The following CCSER1 variants were observed in gnomAD, a reference collection of about 807,000 sequenced individuals.
CCSER1 encodes the protein serine-rich coiled-coil domain-containing protein 1.
A neutral mutation model predicts 82.0 loss-of-function variants in CCSER1; 41 were observed. The ratio of observed to expected loss-of-function variants is 0.50; its 90% CI spans 0.39 to 0.65. CCSER1 has a LOEUF of 0.65. Among genes scored for constraint, CCSER1 ranks in the 30% least tolerant of loss-of-function variants. The pLI, the probability that CCSER1 is intolerant of heterozygous loss-of-function variation, is 0.00. For missense variants in CCSER1, 1,119 were observed against 1,064.2 expected (o/e 1.05, Z -0.72); for synonymous variants, 414 against 383.9 (o/e 1.08, Z -0.92).
At chr4:91,503,799 G>T (rs893471757) in intron 10 of CCSER1, among the ~76,000 whole-genome samples, 2 of 152,076 alleles carry the variant, frequency 1.3e-5, no homozygotes, top group South Asian at 4.1e-4. Flanking sequence ...TCACAGAAAA[G>T]GTTGCTATAA....
At chr4:90,636,131 C>G (rs1383485932) in intron 6 of CCSER1, among the ~76,000 whole-genome samples, 2 of 151,762 alleles carry the variant, frequency 1.3e-5, no homozygotes, top group Non-Finnish European at 2.9e-5. Flanking sequence ...CACTACAAAT[C>G]CTGCAGACAT....
intron 9 of CCSER1, among the ~76,000 whole-genome samples, chr4:90,955,648 T>G (rs968810498): frequency 6.6e-6 from 1 of 152,170 alleles, no homozygotes; most frequent in East Asian, 1.9e-4. Flanking sequence ...TCTGATTTAC[T>G]ATTTATATTA....
intron 6 of CCSER1, among the ~76,000 whole-genome samples, chr4:90,654,098 C>G (rs1179532304): frequency 6.6e-6 from 1 of 152,102 alleles, no homozygotes; most frequent in South Asian, 2.1e-4. Flanking sequence ...GATCCAGTCA[C>G]CTCCCACCAC....
At chr4:90,492,389 C>T (rs1488453111) in intron 5 of CCSER1, among the ~76,000 whole-genome samples, 2 of 152,004 alleles carry the variant, frequency 1.3e-5, no homozygotes, top group Non-Finnish European at 2.9e-5. Flanking sequence ...TTTATTGCAT[C>T]CATTTGATTC....
intron 6 of CCSER1, among the ~76,000 whole-genome samples, chr4:90,654,428 T>C (rs2149062491): frequency 6.6e-6 from 1 of 152,276 alleles, no homozygotes; most frequent in South Asian, 2.1e-4. Flanking sequence ...TACTAAATTC[T>C]AATTCTTATA....
At chr4:90,592,377 T>A (rs1782816488) in intron 5 of CCSER1, among the ~76,000 whole-genome samples, 1 of 151,924 alleles carries the variant, frequency 6.6e-6, no homozygotes, top group Admixed American at 6.6e-5. Context: ...ATTCATTCAT[T>A]TTTTTTGTGT....
chr4:91,530,931 C>T (rs1021529921), intron 10 of CCSER1, among the ~76,000 whole-genome samples: 2 of 152,028 alleles, frequency 1.3e-5, no homozygotes, highest in Non-Finnish European at 2.9e-5. Context: ...AGGTGATCCA[C>T]CTGCCTCGGC....
rs899928521 is a variant in CCSER1, at chr4:91,419,182, A to T, written c.2218-179390A>T. On this transcript the variant is annotated intron_variant, in intron 10 of 10. Transcript: ENST00000509176. ...CTAATATCAGGAGAAAGACAAAAAA[A>T]GTCCATTTTTGCCACCTGCATTCAA... 3.3e-5 allele frequency among the ~76,000 whole-genome samples: 5 copies of T among 152,168 alleles called. No individual in the cohort carries two copies. In the South Asian group the frequency reaches 8.3e-4, roughly 25 times the overall value.
intron 2 of CCSER1, among the ~76,000 whole-genome samples, chr4:90,312,654 C>T (rs1249409685): frequency 3.3e-5 from 5 of 152,008 alleles, no homozygotes; most frequent in African/African-American, 1.2e-4. Flanking sequence ...ATGTGAGCAA[C>T]GAAGCAACAA....
At chr4:91,230,846 A>G (rs989485723) in intron 10 of CCSER1, among the ~76,000 whole-genome samples, 2 of 151,950 alleles carry the variant, frequency 1.3e-5, no homozygotes, top group African/African-American at 4.8e-5. Context: ...ACCAAAAATT[A>G]TACTTAAAGT....
At chr4:90,898,170 A>G (rs190847313) in intron 8 of CCSER1, among the ~76,000 whole-genome samples, 158 of 150,286 alleles carry the variant, frequency 1.1e-3, no homozygotes, top group African/African-American at 3.8e-3. Context: ...GTTCTTTATC[A>G]TAAATTATTT....
intron 10 of CCSER1, among the ~76,000 whole-genome samples, chr4:91,549,665 C>T (rs932858125): frequency 5.9e-5 from 9 of 152,138 alleles, no homozygotes; most frequent in South Asian, 2.1e-4. Context: ...GGCACAATCC[C>T]GTCTCCACTA....
intron 1 of CCSER1, among the ~76,000 whole-genome samples, chr4:90,236,216 A>G (rs562181709): frequency 3.9e-5 from 6 of 152,220 alleles, no homozygotes; most frequent in Non-Finnish European, 7.3e-5. Flanking sequence ...GCCGTAAGCC[A>G]CTGCGCCTGG....
At chr4:91,024,056 C>A (rs1487262859) in intron 9 of CCSER1, among the ~76,000 whole-genome samples, 1 of 152,118 alleles carries the variant, frequency 6.6e-6, no homozygotes, top group Non-Finnish European at 1.5e-5. Context: ...ACTGACAGTG[C>A]TAACATGCTA....
chr4:91,247,119 G>A (rs1739854349), intron 10 of CCSER1, among the ~76,000 whole-genome samples: 1 of 151,970 alleles, frequency 6.6e-6, no homozygotes, highest in African/African-American at 2.4e-5. Flanking sequence ...GGCTAACACG[G>A]TGAAACCCTG....
chr4:91,030,778 C>CT (rs1007549073), intron 9 of CCSER1, among the ~76,000 whole-genome samples: 32 of 150,944 alleles, frequency 2.1e-4, no homozygotes, highest in African/African-American at 4.6e-4. Context: ...TAATTCATCT[C>CT]TTTTTTTTCA....
chr4:90,522,430 C>G (rs1317321472), intron 5 of CCSER1, among the ~76,000 whole-genome samples: 1 of 152,138 alleles, frequency 6.6e-6, no homozygotes, highest in East Asian at 1.9e-4. Context: ...TCTGGCACTT[C>G]TCTTAACCTT....
intron 8 of CCSER1, among the ~76,000 whole-genome samples, chr4:90,877,779 TACC>T (rs1720571283): frequency 6.6e-6 from 1 of 152,020 alleles, no homozygotes; most frequent in Non-Finnish European, 1.5e-5. Context: ...TCTTGCATGA[TACC>T]ACTACATCAG....
chr4:90,442,111 T>C (rs1759972608), intron 4 of CCSER1, among the ~76,000 whole-genome samples: 1 of 152,146 alleles, frequency 6.6e-6, no homozygotes, highest in South Asian at 2.1e-4. Context: ...AAGGCAGATT[T>C]CCACCAAAGG....
Sources: gnomAD v4.1 joint callset for allele counts (sites outside exome capture counted in the v4.1 genomes callset) on GRCh38, gnomAD v4.1.1 for gene constraint, MANE v1.5 for transcripts, NCBI Gene and HGNC (gene_info 2026-07-23, HGNC 2026-07-21) for gene names.